Variants in ATP9B observed in about 807,000 individuals in gnomAD.
The protein encoded by ATP9B is probable phospholipid-transporting ATPase IIB.
A neutral mutation model predicts 146.1 loss-of-function variants in ATP9B; 110 were observed. That is an observed-to-expected ratio of 0.75 (90% confidence interval 0.65 to 0.88). ATP9B has a LOEUF of 0.88. Ranked by LOEUF, ATP9B falls within the 40% of genes least tolerant of loss-of-function variation. The pLI is 0.00. For missense variants in ATP9B, 1,499 were observed against 1,496.4 expected, an observed-to-expected ratio of 1.00 and a Z score of -0.03; for synonymous variants, 604 against 569.7, an observed-to-expected ratio of 1.06 and a Z score of -0.86.
chr18:79,253,364 ATG>A lies in ATP9B; in HGVS notation c.1108-13_1108-12del. On this transcript the variant is annotated splice_polypyrimidine_tract_variant and intron_variant, in intron 11 of 29. Coordinates refer to ENST00000426216, the MANE Select transcript of ATP9B (RefSeq NM_198531.5). ...ATTGTGGTTAGCTTGTTCATGTATT[ATG>A]TGTTTTTCTTTCAGGTTGGTTTGTT... The A allele has an allele frequency of 6.2e-7, 1 of 1,603,146 alleles. No individual in the cohort carries two copies. Among genetic ancestry groups the A allele is most frequent in the Non-Finnish European group, 8.5e-7 (1 of 1,176,572 alleles).
intron 15 of ATP9B, among the ~76,000 whole-genome samples, chr18:79,312,185 C>G (rs564789566): frequency 9.2e-5 from 14 of 152,176 alleles, no homozygotes; most frequent in Non-Finnish European, 1.5e-4. Context: ...GTGCCCCATC[C>G]AAATGCTCTT....
intron 1 of ATP9B, chr18:79,086,348 A>G (rs1378483312): frequency 7.1e-6 from 1 of 139,872 alleles, no homozygotes; most frequent in Non-Finnish European, 1.5e-5. Context: ...AGTCAGAAGA[A>G]TCGCTTGAAC....
intron 15 of ATP9B, among the ~76,000 whole-genome samples, chr18:79,326,050 C>T (rs1383490242): frequency 9.3e-6 from 1 of 107,394 alleles, no homozygotes; most frequent in African/African-American, 4.3e-5. Context: ...TCTGTACCCT[C>T]CCTCCCCTCA....
intron 11 of ATP9B, among the ~76,000 whole-genome samples, chr18:79,249,451 A>G (rs1419911516): frequency 1.3e-5 from 2 of 152,246 alleles, no homozygotes; most frequent in Admixed American, 6.5e-5. Context: ...ATAGGAGATG[A>G]CAATGAATGT....
chr18:79,238,250 T>A (rs1341313280), intron 11 of ATP9B, among the ~76,000 whole-genome samples: 1 of 152,152 alleles, frequency 6.6e-6, no homozygotes, highest in Non-Finnish European at 1.5e-5. Context: ...TTTTTTTTTT[T>A]TTTTGAATGA....
chr18:79,190,511 T>TACACACACACAC (rs68063845), intron 8 of ATP9B, among the ~76,000 whole-genome samples: 2,017 of 143,568 alleles, frequency 0.014, 40 homozygotes, highest in African/African-American at 0.046. Flanking sequence ...TTTTTATTTA[T>TACACACACACAC]ACACACACAC....
chr18:79,289,315 T>C (rs888222337), intron 13 of ATP9B, among the ~76,000 whole-genome samples: 4 of 152,202 alleles, frequency 2.6e-5, no homozygotes, highest in Non-Finnish European at 4.4e-5. Context: ...TGTTCATTTC[T>C]TTTTATTCTT....
intron 25 of ATP9B, 36 bp downstream of exon 25, chr18:79,348,232 G>A: frequency 7.3e-7 from 1 of 1,369,044 alleles, no homozygotes; most frequent in Non-Finnish European, 1.0e-6. Flanking sequence ...CTCATCCAGG[G>A]GAGGACTTCT....
intron 13 of ATP9B, among the ~76,000 whole-genome samples, chr18:79,300,845 A>G (rs2096585940): frequency 6.6e-6 from 1 of 152,234 alleles, no homozygotes; most frequent in East Asian, 1.9e-4. Context: ...TTAACTTTAC[A>G]TATGAAATTG....
At chr18:79,154,815 A>C (rs1238554396) in intron 7 of ATP9B, among the ~76,000 whole-genome samples, 1 of 152,252 alleles carries the variant, frequency 6.6e-6, no homozygotes, top group East Asian at 1.9e-4. Flanking sequence ...GTATTTTCAT[A>C]GTTTAATTTT....
At chr18:79,363,525 G>GTC (rs1568830892) in intron 26 of ATP9B, 2 of 152,328 alleles carry the variant, frequency 1.3e-5, no homozygotes, top group African/African-American at 4.8e-5. Context: ...TGGATTGAGA[G>GTC]GCGTAAACTG....
At chr18:79,280,930 A>G (rs116277881) in intron 13 of ATP9B, among the ~76,000 whole-genome samples, 2,331 of 152,356 alleles carry the variant, frequency 0.015, 65 homozygotes, top group African/African-American at 0.054. Context: ...AAATAATAAT[A>G]TAATCACTTT....
chr18:79,234,161 G>T (rs1156418609), intron 11 of ATP9B, among the ~76,000 whole-genome samples: 1 of 152,196 alleles, frequency 6.6e-6, no homozygotes, highest in Non-Finnish European at 1.5e-5. Flanking sequence ...AGTAGGGAAG[G>T]TTCTGATTAG....
intron 26 of ATP9B, among the ~76,000 whole-genome samples, chr18:79,367,082 T>C (rs1297174201): frequency 4.8e-5 from 7 of 145,144 alleles, no homozygotes; most frequent in African/African-American, 1.8e-4. Context: ...CCACCGTGTG[T>C]ACGCAGAGAA....
intron 13 of ATP9B, among the ~76,000 whole-genome samples, chr18:79,287,471 A>G (rs140661822): frequency 0.015 from 2,324 of 152,004 alleles, 64 homozygotes; most frequent in African/African-American, 0.054. Context: ...GATATCCTCT[A>G]TCATTTTTTA....
chr18:79,083,865 C>CTT lies in ATP9B; in HGVS notation c.120-12596_120-12595dup, dbSNP rs60063648. ...AGCTGTTCCTATTGACCATCTTCTT[C>CTT]TTTTTTTTTTTTTTTTGAGAGGGAG... On this transcript the variant is annotated intron_variant, in intron 1 of 29. Transcript: ENST00000426216. 9.8e-4 allele frequency among the ~76,000 whole-genome samples: 137 copies of CTT among 139,304 alleles called. 1 individual carries two copies. The highest frequency in any genetic ancestry group is 3.0e-3 in the African/African-American group (113 of 37,782). The allele number at this position is 139,304 out of a possible 152,430, so 91.4% of individuals were successfully genotyped here.
At chr18:79,300,986 A>T (rs1325785449) in intron 13 of ATP9B, among the ~76,000 whole-genome samples, 1 of 152,234 alleles carries the variant, frequency 6.6e-6, no homozygotes, top group Non-Finnish European at 1.5e-5. Context: ...AGAAAAGTCT[A>T]AAGGAAATAC....
intron 1 of ATP9B, among the ~76,000 whole-genome samples, chr18:79,093,905 T>A (rs1276847010): frequency 2.6e-5 from 4 of 152,256 alleles, no homozygotes; most frequent in Non-Finnish European, 5.9e-5. Flanking sequence ...CATACTGCAA[T>A]TAGCATTTGT....
intron 26 of ATP9B, chr18:79,372,556 T>C (rs1322656402): frequency 1.6e-6 from 1 of 610,572 alleles, no homozygotes; most frequent in African/African-American, 1.8e-5. Context: ...CCTGGCTTAG[T>C]AGAGCCAACA....
Sources: gnomAD v4.1 joint callset for allele counts (sites outside exome capture counted in the v4.1 genomes callset) on GRCh38, gnomAD v4.1.1 for gene constraint, MANE v1.5 for transcripts, NCBI Gene and HGNC (gene_info 2026-07-23, HGNC 2026-07-21) for gene names.